SIMC1: variants seen among roughly 807,000 people sequenced by gnomAD.
SIMC1 encodes SUMO interacting motifs containing 1, also known as SUMO-interacting motif-containing protein 1.
In SIMC1, 55 loss-of-function variants were observed where a neutral mutation model predicts 82.3. The observed-to-expected ratio is 0.67, with a 90% CI of 0.54 to 0.84. SIMC1 has a LOEUF of 0.84. Ranked by LOEUF, SIMC1 falls within the 40% of genes least tolerant of loss-of-function variation. The pLI, the probability that SIMC1 is intolerant of heterozygous loss-of-function variation, is 0.00. For synonymous variants in SIMC1, 353 were observed against 426.3 expected (o/e 0.83, Z 2.12); for missense variants, 915 against 1,107.2 (o/e 0.83, Z 2.46).
intron 2 of SIMC1, among the ~76,000 whole-genome samples, chr5:176,291,967 A>G (rs910066063): frequency 2.6e-5 from 4 of 152,108 alleles, no homozygotes; most frequent in Non-Finnish European, 4.4e-5. Flanking sequence ...GAGGCAGGAG[A>G]ATCACCTGAA....
chr5:176,279,482 G>A (rs546827643), intron 1 of SIMC1, among the ~76,000 whole-genome samples: 1 of 151,530 alleles, frequency 6.6e-6, no homozygotes, highest in South Asian at 2.1e-4. Context: ...CTTCAGTTCT[G>A]CTCTGATTTT....
In SIMC1 at chr5:176,328,957, A is replaced by T. The variant is rs117454423; in HGVS notation, c.2171+4200A>T. Among the ~76,000 whole-genome samples, 19 of 152,290 alleles carry T rather than the reference A, an allele frequency of 1.2e-4. No individual in the cohort carries two copies. In the East Asian group the frequency reaches 3.1e-3, roughly 25 times the overall value. On this transcript the variant is annotated intron_variant, in intron 7 of 9. Coordinates refer to ENST00000429602, the MANE Select transcript of SIMC1 (RefSeq NM_001308195.2). ...TTTAAAAAATTGTAGATTCACAGGA[A>T]ATTGCAAAACCTATTAGAAGTAGTG...
intron 5 of SIMC1, among the ~76,000 whole-genome samples, chr5:176,316,161 C>T (rs1011443845): frequency 1.3e-5 from 2 of 151,820 alleles, no homozygotes; most frequent in African/African-American, 4.8e-5. Flanking sequence ...GGTGACAGAG[C>T]GAGACTCTGT....
At chr5:176,243,835 A>G (rs1761351053) in intron 1 of SIMC1, among the ~76,000 whole-genome samples, 1 of 150,992 alleles carries the variant, frequency 6.6e-6, no homozygotes, top group East Asian at 2.0e-4. Context: ...TACATTTTTT[A>G]GAGATGACTT....
intron 7 of SIMC1, among the ~76,000 whole-genome samples, chr5:176,332,114 C>G (rs1765695929): frequency 6.6e-6 from 1 of 152,138 alleles, no homozygotes; most frequent in East Asian, 1.9e-4. Flanking sequence ...CTGAAAATTC[C>G]TGCTCTTTAA....
At chr5:176,263,542 A>G in intron 1 of SIMC1, 1 of 1,420,670 alleles carries the variant, frequency 7.0e-7, no homozygotes, top group Non-Finnish European at 9.3e-7. Context: ...AGAAAAAAGA[A>G]CATTCATATT....
chr5:176,313,835 C>A lies in SIMC1; in HGVS notation c.1879C>A (p.His627Asn). ...NMVLSCDKQPHNVRDVIKWLV... is the reference protein window; with the variant it reads ...NMVLSCDKQPNNVRDVIKWLV... The stretch of plus-strand genomic sequence containing the variant: ...GGTGCTTTCCTGTGACAAGCAGCCC[C>A]ACAATGTCAGGTAAGCAGCCACCTG... Residue 627 changes from histidine to asparagine, a missense_variant, in exon 5 of 10, where the codon CAC becomes AAC. This residue lies in a region of SIMC1 where 902 missense variants were observed against 1,040.3 expected (regional missense o/e 0.87). Transcript: ENST00000429602. 6.2e-7 allele frequency: 1 copy of A among 1,613,518 alleles called. No individual in the cohort carries two copies. The highest frequency in any genetic ancestry group is 8.5e-7 in the Non-Finnish European group (1 of 1,179,854).
intron 1 of SIMC1, among the ~76,000 whole-genome samples, chr5:176,245,264 A>G (rs1158808211): frequency 6.6e-6 from 1 of 152,206 alleles, no homozygotes; most frequent in Non-Finnish European, 1.5e-5. Flanking sequence ...CAGGGGAAGA[A>G]CGCCATGTGA....
rs112608270 is a variant in SIMC1, at chr5:176,315,593, T to C, written c.1889+1748T>C. Among the ~76,000 whole-genome samples, 412 of 152,312 alleles carry C rather than the reference T, an allele frequency of 2.7e-3. 4 individuals carry two copies. Among genetic ancestry groups the C allele is most frequent in the African/African-American group, 9.6e-3 (401 of 41,558 alleles). ...CAGCGTCTCTTTGTTCAGAGCAGCATTGAAACTCTTCCACATTTACGCTCT... is the reference window on the plus strand; with the variant it reads ...CAGCGTCTCTTTGTTCAGAGCAGCACTGAAACTCTTCCACATTTACGCTCT... On this transcript the variant is annotated intron_variant, in intron 5 of 9. Coordinates refer to ENST00000429602, the MANE Select transcript of SIMC1 (RefSeq NM_001308195.2).
At chr5:176,311,272 C>T (rs1429679771) in intron 4 of SIMC1, among the ~76,000 whole-genome samples, 3 of 152,152 alleles carry the variant, frequency 2.0e-5, no homozygotes, top group Non-Finnish European at 4.4e-5. Context: ...GTCTCTTGCT[C>T]TGTCACCCAG....
intron 4 of SIMC1, chr5:176,313,281 G>A: frequency 1.4e-6 from 2 of 1,417,850 alleles, no homozygotes; most frequent in Non-Finnish European, 1.8e-6. Flanking sequence ...GTAGTTTTGG[G>A]TATATCCTGA....
chr5:176,272,790 C>A (rs1168998331), intron 1 of SIMC1, among the ~76,000 whole-genome samples: 4 of 152,218 alleles, frequency 2.6e-5, no homozygotes, highest in African/African-American at 9.7e-5. Context: ...AGATTATATC[C>A]TGCGCCTAGC....
At chr5:176,292,639 G>A (rs1005582905) in intron 2 of SIMC1, among the ~76,000 whole-genome samples, 4 of 151,992 alleles carry the variant, frequency 2.6e-5, no homozygotes, top group African/African-American at 9.7e-5. Flanking sequence ...CCGCCTCCCA[G>A]GTTCAAGCGA....
rs761415553 is a variant in SIMC1, at chr5:176,313,801, T to G, written c.1845T>G (p.Ile615Met). 3.7e-6 allele frequency: 6 copies of G among 1,613,898 alleles called. No individual in the cohort carries two copies. The Admixed American group carries it at 1.0e-4, about 27-fold the overall frequency. ...AACGGCAGCACCTGCAGCAATCCAT[T>G]GCAAACATGGTGCTTTCCTGTGACA... ...RRQRQHLQQS[I>M]ANMVLSCDKQ... The change falls in exon 5 of 10, where the codon ATT becomes ATG. Residue 615 changes from isoleucine to methionine, a missense_variant. Physicochemically the swap from Ile to Met is conservative, Grantham distance 10. Transcript: ENST00000429602.
Position 176,290,814 on chromosome 5 carries a change from T to C in SIMC1, c.1290T>C (p.Pro430=). The change falls in exon 2 of 10, where the codon CCT becomes CCC. Residue 430 remains proline, a synonymous_variant. Coordinates refer to ENST00000429602, the MANE Select transcript of SIMC1 (RefSeq NM_001308195.2). ...TATCACTGTCAGAGCCTGCCAAACC[T>C]GGGTCTGCCCACGTACAATCACGAA... ...KEISLSEPAK[P]GSAHVQSRTP... is the part of the protein sequence containing the mutation. 13 of 1,613,700 alleles carry C rather than the reference T, an allele frequency of 8.1e-6. No homozygotes were observed. The highest frequency in any genetic ancestry group is 1.1e-5 in the Non-Finnish European group (13 of 1,179,686).
At position 176,252,318 on chromosome 5, in the gene SIMC1, G is replaced by A. The variant is rs1295990925; in HGVS notation, c.129+13681G>A. On this transcript the variant is annotated intron_variant, in intron 1 of 9. Coordinates refer to ENST00000429602, the MANE Select transcript of SIMC1 (RefSeq NM_001308195.2). ...TGGCTGCCGGGCGGAGACGCTCCGG[G>A]CAGAGACGCTCCTCACTTCCCAGAC... 1.4e-4 allele frequency among the ~76,000 whole-genome samples: 21 copies of A among 151,662 alleles called. No individual in the cohort carries two copies. In the East Asian group the frequency reaches 3.9e-3, roughly 28 times the overall value.
At chr5:176,245,499 G>A (rs1050495672) in intron 1 of SIMC1, among the ~76,000 whole-genome samples, 2 of 152,082 alleles carry the variant, frequency 1.3e-5, no homozygotes, top group African/African-American at 4.8e-5. Flanking sequence ...TTTTTACTAG[G>A]AAACTAATAT....
At chr5:176,308,226 C>G (rs1764510078) in intron 4 of SIMC1, 1 of 1,530,600 alleles carries the variant, frequency 6.5e-7, no homozygotes, top group East Asian at 2.3e-5. Context: ...TTTGCATATA[C>G]TGGAACTGAA....
At chr5:176,286,582 G>A (rs1763296911) in intron 1 of SIMC1, among the ~76,000 whole-genome samples, 1 of 152,218 alleles carries the variant, frequency 6.6e-6, no homozygotes, top group Non-Finnish European at 1.5e-5. Context: ...CATAGGCAAA[G>A]ACTTCATGTC....
Sources: gnomAD v4.1 joint callset for allele counts (sites outside exome capture counted in the v4.1 genomes callset) on GRCh38, gnomAD v4.1.1 for gene constraint, gnomAD v4.1.1 regional missense constraint, MANE v1.5 for transcripts, NCBI Gene and HGNC (gene_info 2026-07-23, HGNC 2026-07-21) for gene names.